The following ANK2 variants were observed in gnomAD, a reference collection of about 807,000 sequenced individuals.
ANK2 encodes the protein ankyrin-2.
ANK2 carries 83 observed loss-of-function variants against 360.5 expected under a neutral mutation model. That is an observed-to-expected ratio of 0.23 (90% CI 0.19 to 0.28). The LOEUF (loss-of-function observed/expected upper bound fraction) is 0.28. ANK2 is among the 10% of genes least tolerant of loss of function. The pLI is 1.00. For missense variants in ANK2, 4,201 were observed against 4,795.7 expected, an observed-to-expected ratio of 0.88 and a Z score of 3.66; for synonymous variants, 1,740 against 1,759.5, an observed-to-expected ratio of 0.99 and a Z score of 0.28.
At chr4:112,917,417 C>T (rs2090205074) in intron 2 of ANK2, among the ~76,000 whole-genome samples, 2 of 152,210 alleles carry the variant, frequency 1.3e-5, no homozygotes, top group Non-Finnish European at 2.9e-5. Context: ...CCACCACCAA[C>T]ACTGCCATGA....
intron 1 of ANK2, among the ~76,000 whole-genome samples, chr4:113,100,493 G>A (rs1055971798): frequency 6.6e-6 from 1 of 152,100 alleles, no homozygotes; most frequent in African/African-American, 2.4e-5. Flanking sequence ...TGGCAAAGAG[G>A]TGGAACAACA....
chr4:112,973,813 G>A (rs12645477), intron 2 of ANK2, among the ~76,000 whole-genome samples: 35,444 of 152,092 alleles, frequency 0.23, 4,374 homozygotes, highest in East Asian at 0.43. Flanking sequence ...AACATTTCAT[G>A]TGGGCCACTG....
chr4:113,145,749 T>A (rs2096804375), intron 1 of ANK2: 24 of 1,192,836 alleles, frequency 2.0e-5, no homozygotes, highest in Non-Finnish European at 2.6e-5. Context: ...GGAAGGGAAC[T>A]GAGCAGAGGA....
At chr4:112,711,872 AAAAG>A in the ANK2 span, among the ~76,000 whole-genome samples, 2 of 150,644 alleles carry the variant, frequency 1.3e-5, no homozygotes, top group South Asian at 4.2e-4. Flanking sequence ...TAAAAAAAGA[AAAAG>A]AAAAAAGAAA....
At chr4:112,908,424 CCAAA>C (rs558152558) in intron 2 of ANK2, among the ~76,000 whole-genome samples, 3 of 152,082 alleles carry the variant, frequency 2.0e-5, no homozygotes, top group Non-Finnish European at 4.4e-5. Context: ...TGAAGTCAGA[CCAAA>C]CAAACAGACA....
intron 5 of ANK2, among the ~76,000 whole-genome samples, chr4:113,232,692 T>TC (rs2099324444): frequency 2.9e-5 from 2 of 67,994 alleles, no homozygotes; most frequent in Non-Finnish European, 7.5e-5. Context: ...AGGAATGTCA[T>TC]TAAAAAAAAA....
In ANK2 at chr4:113,232,417, G is replaced by A. The variant is rs147222128; in HGVS notation, c.483+158G>A. Among the ~76,000 whole-genome samples, 447 of 152,272 alleles carry A rather than the reference G, an allele frequency of 2.9e-3. 3 individuals carry two copies. Among genetic ancestry groups the A allele is most frequent in the African/African-American group, 0.01 (422 of 41,550 alleles). ...CAGTGGCTGTGAACAAATGACTCAG[G>A]CTTGTGCACAGAGTTCCATCAGTTT... On this transcript the variant is annotated intron_variant, in intron 5 of 45. Transcript: ENST00000357077.
At position 113,292,467 on chromosome 4, in the gene ANK2, A is replaced by G. The variant is rs757964072; in HGVS notation, c.2329A>G (p.Ile777Val). 9 of 1,611,892 alleles carry G rather than the reference A, an allele frequency of 5.6e-6. No homozygotes were observed. In the East Asian group the frequency reaches 1.1e-4, roughly 20 times the overall value. Residue 777 changes from isoleucine to valine, a missense_variant, in exon 21 of 46, where the codon ATC (isoleucine) becomes GTC (valine). Around this residue, in one of 4 missense-constraint regions of ANK2, gnomAD observed 1,268 missense variants for 1,650.8 expected, o/e 0.77. Coordinates refer to ENST00000357077, the MANE Select transcript of ANK2 (RefSeq NM_001148.6). The stretch of plus-strand genomic sequence containing the variant: ...CGCTCAGCAGGGTCACACGCACATC[A>G]TCAACGTCCTGCTCCAGCATGGGGC... The part of the protein sequence containing the change: ...QAAQQGHTHI[I>V]NVLLQHGAKP...
chr4:112,714,341 C>G, the ANK2 span, among the ~76,000 whole-genome samples: 1 of 152,136 alleles, frequency 6.6e-6, no homozygotes, highest in Non-Finnish European at 1.5e-5. Flanking sequence ...CGCCACCATG[C>G]CTGGCTAATT....
At chr4:112,791,493 T>C in the ANK2 span, among the ~76,000 whole-genome samples, 4 of 146,002 alleles carry the variant, frequency 2.7e-5, no homozygotes, top group African/African-American at 1.0e-4. Flanking sequence ...TTTTTTTTTT[T>C]TTTTTTTTTT....
At chr4:113,240,348 T>C in intron 7 of ANK2, 137 bp from the exon 8 acceptor site, 1 of 700,118 alleles carries the variant, frequency 1.4e-6, no homozygotes. Context: ...AACATTAAGA[T>C]TTAAGATCTT....
At chr4:113,190,372 A>T in intron 2 of ANK2, among the ~76,000 whole-genome samples, 1 of 152,086 alleles carries the variant, frequency 6.6e-6, no homozygotes, top group African/African-American at 2.4e-5. Flanking sequence ...GGCCTCCCAA[A>T]GTGCTCGGAT....
At chr4:113,198,366 T>A (rs2098780659) in intron 3 of ANK2, among the ~76,000 whole-genome samples, 1 of 152,138 alleles carries the variant, frequency 6.6e-6, no homozygotes, top group African/African-American at 2.4e-5. Context: ...GTTATTTATT[T>A]TAATCACATC....
chr4:112,846,851 T>G lies in ANK2; in HGVS notation c.-40+28587T>G, dbSNP rs113574980. 5.4e-3 allele frequency among the ~76,000 whole-genome samples: 819 copies of G among 152,312 alleles called. 5 individuals carry two copies. Among genetic ancestry groups the G allele is most frequent in the African/African-American group, 0.019 (772 of 41,568 alleles). On this transcript the variant is annotated intron_variant, in intron 1 of 30. Coordinates refer to the ANK2 transcript ENST00000503271. Reference sequence around the variant, plus strand: ...ACTCAGTTTTCATCTCTCTTGTTGCTCCACCATTCCCTAATGTGTTATCCT... The same window carrying G: ...ACTCAGTTTTCATCTCTCTTGTTGCGCCACCATTCCCTAATGTGTTATCCT...
chr4:113,239,106 TAAC>T (rs998658294), intron 7 of ANK2, among the ~76,000 whole-genome samples: 64 of 152,276 alleles, frequency 4.2e-4, no homozygotes, highest in African/African-American at 1.4e-3. Context: ...TTTTATAAAA[TAAC>T]AGCCAGGTTG....
At chr4:113,338,272 C>T (rs1276047666) in intron 31 of ANK2, among the ~76,000 whole-genome samples, 1 of 152,062 alleles carries the variant, frequency 6.6e-6, no homozygotes, top group Admixed American at 6.5e-5. Context: ...GCCCTTTGAA[C>T]TAAAATTTTG....
At chr4:112,729,477 C>T in the ANK2 span, among the ~76,000 whole-genome samples, 1 of 151,980 alleles carries the variant, frequency 6.6e-6, no homozygotes, top group Non-Finnish European at 1.5e-5. Flanking sequence ...AAATCTGGGC[C>T]GGACACGATA....
chr4:112,985,625 A>C (rs1214809744), intron 2 of ANK2, among the ~76,000 whole-genome samples: 5 of 152,170 alleles, frequency 3.3e-5, no homozygotes, highest in Non-Finnish European at 7.3e-5. Flanking sequence ...TAGTTCTTTG[A>C]AGCTACTAGC....
the ANK2 span, among the ~76,000 whole-genome samples, chr4:112,785,033 A>C: frequency 6.6e-6 from 1 of 152,204 alleles, no homozygotes. Context: ...ATGGGAACAG[A>C]GGGAGTCTTT....
Sources: allele counts gnomAD v4.1 joint callset (sites outside exome capture counted in the v4.1 genomes callset), GRCh38; gene constraint gnomAD v4.1.1; regional missense constraint gnomAD v4.1.1; transcripts MANE v1.5; gene names NCBI Gene and HGNC (gene_info 2026-07-23, HGNC 2026-07-21).